Variants in CABIN1 observed in about 807,000 individuals in gnomAD.
CABIN1 encodes calcineurin binding protein 1.
Under a neutral mutation model 227.7 loss-of-function variants are expected in CABIN1, and 133 were observed. The ratio of observed to expected loss-of-function variants is 0.58; its 90% CI spans 0.51 to 0.67. The LOEUF (loss-of-function observed/expected upper bound fraction) is 0.67. Ranked by LOEUF, CABIN1 falls within the 30% of genes least tolerant of loss-of-function variation. The pLI, the probability that CABIN1 is intolerant of heterozygous loss-of-function variation, is 0.00. For synonymous variants in CABIN1, 1,086 were observed against 1,155.1 expected (o/e 0.94, Z 1.21); for missense variants, 2,408 against 2,852.5 (o/e 0.84, Z 3.55).
chr22:24,114,661 A>G (rs1226290617), intron 27 of CABIN1, among the ~76,000 whole-genome samples: 1 of 152,188 alleles, frequency 6.6e-6, no homozygotes, highest in African/African-American at 2.4e-5. Flanking sequence ...CGCTGGTGAT[A>G]AACTGCCTCC....
chr22:24,166,652 C>T lies in CABIN1; in HGVS notation c.5021C>T (p.Pro1674Leu), dbSNP rs559602134. Residue 1674 changes from proline (P) to leucine (L), a missense_variant, in exon 32 of 37, where the codon CCA becomes CTA. Coordinates refer to ENST00000263119, the MANE Select transcript of CABIN1 (RefSeq NM_012295.4). The part of the protein sequence containing the change: ...LSELAEGSER[P>L]GPKVCGLPGA... ...GTTTCTTTGTAGGGGTCAGAACGCC[C>T]AGGGCCCAAGGTCTGTGGCCTCCCC... 25 of 1,612,690 alleles carry T rather than the reference C, an allele frequency of 1.6e-5. No homozygotes were observed. The East Asian group carries it at 5.1e-4, about 33-fold the overall frequency.
chr22:24,084,808 G>T, intron 21 of CABIN1, 23 bp downstream of exon 21: 1 of 1,610,210 alleles, frequency 6.2e-7, no homozygotes, highest in Non-Finnish European at 8.5e-7. Flanking sequence ...CCTTGAGGAC[G>T]TGGGGGACAG....
At chr22:24,078,246 C>G (rs2040570383) in intron 19 of CABIN1, among the ~76,000 whole-genome samples, 1 of 152,146 alleles carries the variant, frequency 6.6e-6, no homozygotes. Flanking sequence ...TTCTGTCTTG[C>G]TGTTTGAAGC....
intron 6 of CABIN1, 73 bp downstream of exon 6, chr22:24,043,157 A>G: frequency 7.0e-7 from 1 of 1,425,692 alleles, no homozygotes; most frequent in Non-Finnish European, 9.9e-7. Flanking sequence ...CAGTTTGGGT[A>G]AACTGAAAGC....
chr22:24,136,334 C>G (rs1486139310), intron 29 of CABIN1, among the ~76,000 whole-genome samples: 1 of 149,730 alleles, frequency 6.7e-6, no homozygotes, highest in African/African-American at 2.5e-5. Context: ...CACAGTTTAC[C>G]TAGCCATCCC....
chr22:24,022,171 T>C (rs2035771074), intron 1 of CABIN1, among the ~76,000 whole-genome samples: 1 of 152,230 alleles, frequency 6.6e-6, no homozygotes, highest in Non-Finnish European at 1.5e-5. Flanking sequence ...TTTGGAGTTA[T>C]AGTTCTGTGA....
chr22:24,113,735 C>T lies in CABIN1; in HGVS notation c.4287C>T (p.Ala1429=). 6.2e-7 allele frequency: 1 copy of T among 1,613,820 alleles called. No homozygotes were observed. Among genetic ancestry groups the T allele is most frequent in the South Asian group, 1.1e-5 (1 of 91,082 alleles). The change falls in exon 27 of 37, where the codon GCC becomes GCT. Residue 1429 remains alanine (A), a synonymous_variant. Coordinates refer to ENST00000263119, the MANE Select transcript of CABIN1 (RefSeq NM_012295.4). ...CGACGGGTAAAGATCTTCAGGGGGC[C>T]ACAGAAGAAAGAGGTATGAAGCCCT... ...AGATGKDLQG[A]TEERGKNEES...
intron 28 of CABIN1, among the ~76,000 whole-genome samples, chr22:24,131,398 C>T (rs911055032): frequency 1.3e-5 from 2 of 152,212 alleles, no homozygotes; most frequent in Non-Finnish European, 2.9e-5. Context: ...TGGTCTGCCA[C>T]AGCATTGAGG....
chr22:24,061,633 G>A (rs8138467), intron 12 of CABIN1, among the ~76,000 whole-genome samples: 8,763 of 152,284 alleles, frequency 0.058, 299 homozygotes, highest in South Asian at 0.11. Flanking sequence ...ACTTTTAAGG[G>A]TTGAGTTCTA....
intron 18 of CABIN1, among the ~76,000 whole-genome samples, chr22:24,074,563 A>G (rs2040310904): frequency 6.6e-6 from 1 of 152,184 alleles, no homozygotes; most frequent in Admixed American, 6.5e-5. Context: ...GGATCCTGCC[A>G]TCTTCCAGTG....
intron 29 of CABIN1, among the ~76,000 whole-genome samples, chr22:24,134,904 C>T (rs2044298570): frequency 6.7e-6 from 1 of 149,940 alleles, no homozygotes; most frequent in Non-Finnish European, 1.5e-5. Flanking sequence ...ATGGCAAAAC[C>T]CCATCTTTAC....
rs143758897 is a variant in CABIN1, at chr22:24,063,108, C to A, written c.1846C>A (p.Arg616Ser). Residue 616 changes from arginine (R) to serine (S), a missense_variant, in exon 14 of 37, where the codon CGT (arginine) becomes AGT (serine). Around this residue, in one of 3 missense-constraint regions of CABIN1, gnomAD observed 1,045 missense variants for 1,168.4 expected, o/e 0.89. Coordinates refer to ENST00000263119, the MANE Select transcript of CABIN1 (RefSeq NM_012295.4). The stretch of plus-strand genomic sequence containing the variant: ...GGATGGTTGGCTGGAGTTTGTGGTC[C>A]GTGTTTACTGGCTGAAGGCTCGCTT... ...FEDGWLEFVVRVYWLKARFLA... is the reference protein window; with the variant it reads ...FEDGWLEFVVSVYWLKARFLA... 7.4e-6 allele frequency: 12 copies of A among 1,614,006 alleles called. No homozygotes were observed. The highest frequency in any genetic ancestry group is 1.0e-5 in the Non-Finnish European group (12 of 1,180,030).
Position 24,055,055 on chromosome 22 carries a change from A to C in CABIN1, c.989A>C (p.Asn330Thr). 3.7e-6 allele frequency: 6 copies of C among 1,614,190 alleles called. No individual in the cohort carries two copies. The highest frequency in any genetic ancestry group is 5.1e-6 in the Non-Finnish European group (6 of 1,180,034). ...NVIQPSTVST[N>T]PAVAVAEPVV... ...ATCCAGCCAAGCACTGTCAGCACCA[A>C]CCCAGCTGTGGCTGTCGCCGAGCCT... Residue 330 changes from asparagine (N) to threonine (T), a missense_variant, in exon 9 of 37, where the codon AAC becomes ACC. Around this residue, in one of 3 missense-constraint regions of CABIN1, gnomAD observed 1,045 missense variants for 1,168.4 expected, o/e 0.89. Coordinates refer to ENST00000263119, the MANE Select transcript of CABIN1 (RefSeq NM_012295.4).
intron 27 of CABIN1, among the ~76,000 whole-genome samples, chr22:24,118,503 C>T (rs2043211327): frequency 6.6e-6 from 1 of 152,148 alleles, no homozygotes; most frequent in African/African-American, 2.4e-5. Flanking sequence ...CATCGCATAC[C>T]ACCTCAGAGC....
At position 24,171,995 on chromosome 22, in the gene CABIN1, G is replaced by C. The variant is rs2046839641; in HGVS notation, c.6040G>C (p.Glu2014Gln). ...ATPSMASLGP[E>Q]GEELARVAEG... ...CCCCAGCATGGCCTCTCTGGGCCCA[G>C]GTGAGTCCCATCCCAGTCCAGAGCT... Residue 2014 changes from glutamate to glutamine, a missense_variant and splice_region_variant, in exon 34 of 37, where the codon GAG becomes CAG. Around this residue, in one of 3 missense-constraint regions of CABIN1, gnomAD observed 714 missense variants for 773.8 expected, o/e 0.92. Transcript: ENST00000263119. 1 of 1,609,418 alleles carries C rather than the reference G, an allele frequency of 6.2e-7. No homozygotes were observed. Among genetic ancestry groups the C allele is most frequent in the Admixed American group, 1.7e-5 (1 of 59,868 alleles).
At chr22:24,069,093 G>A (rs539642021) in intron 16 of CABIN1, among the ~76,000 whole-genome samples, 7 of 152,360 alleles carry the variant, frequency 4.6e-5, no homozygotes, top group Admixed American at 2.0e-4. Context: ...CATTGAACTT[G>A]CAGTCTTTTC....
chr22:24,071,772 A>G (rs1352012231), intron 17 of CABIN1, among the ~76,000 whole-genome samples: 1 of 152,132 alleles, frequency 6.6e-6, no homozygotes, highest in African/African-American at 2.4e-5. Flanking sequence ...CACTTAAGGT[A>G]CACTGAGCTC....
At chr22:24,070,676 G>A (rs1242365350) in intron 16 of CABIN1, 124 bp from the exon 17 acceptor site, 13 of 1,426,878 alleles carry the variant, frequency 9.1e-6, no homozygotes, top group Admixed American at 5.1e-5. Flanking sequence ...ATGTTGTGCT[G>A]GGGCTCGTTC....
At chr22:24,155,980 C>A in intron 29 of CABIN1, 1 of 554,086 alleles carries the variant, frequency 1.8e-6, no homozygotes, top group South Asian at 2.1e-5. Flanking sequence ...CTGCCCCGCC[C>A]CGGCCCGCCG....
Sources: gnomAD v4.1 joint callset for allele counts (sites outside exome capture counted in the v4.1 genomes callset) on GRCh38, gnomAD v4.1.1 for gene constraint, gnomAD v4.1.1 regional missense constraint, MANE v1.5 for transcripts, NCBI Gene and HGNC (gene_info 2026-07-23, HGNC 2026-07-21) for gene names.